Variants in CFAP92 observed in about 807,000 individuals in gnomAD.
The protein encoded by CFAP92 is cilia and flagella associated protein 92 (putative), also known as uncharacterized protein CFAP92.
A neutral mutation model predicts 106.3 loss-of-function variants in CFAP92; 86 were observed. That is an observed-to-expected ratio of 0.81 (90% CI 0.68 to 0.97). The LOEUF is 0.97. Among genes scored for constraint, CFAP92 ranks in the 50% least tolerant of loss-of-function variants. CFAP92 has a pLI of 0.00. For synonymous variants in CFAP92, 477 were observed against 506.4 expected, an observed-to-expected ratio of 0.94 and a Z score of 0.78; for missense variants, 1,204 against 1,283.8, an observed-to-expected ratio of 0.94 and a Z score of 0.95.
At chr3:129,003,355 G>A (rs1288315313), upstream of CFAP92, 11 of 897,070 alleles carry the variant, frequency 1.2e-5, no homozygotes, top group Non-Finnish European at 1.2e-5. Flanking sequence ...AGTAAAGACA[G>A]ATAGAAACCA....
chr3:128,942,882 G>A (rs1326594382), intron 10 of CFAP92, among the ~76,000 whole-genome samples: 2 of 139,482 alleles, frequency 1.4e-5, no homozygotes, highest in South Asian at 4.6e-4. Flanking sequence ...GGGTTTCACC[G>A]TGTTGGCAAA....
chr3:129,020,947 C>T, the CFAP92 span, among the ~76,000 whole-genome samples: 2 of 152,178 alleles, frequency 1.3e-5, no homozygotes, highest in Non-Finnish European at 1.5e-5. Context: ...GTGAGGCTGC[C>T]GTGGCCAGTG....
chr3:128,929,079 T>C (rs1938036734), intron 12 of CFAP92, among the ~76,000 whole-genome samples: 1 of 152,140 alleles, frequency 6.6e-6, no homozygotes, highest in Non-Finnish European at 1.5e-5. Flanking sequence ...GGTAACACAG[T>C]GAGACCCTGT....
At chr3:128,987,886 C>T (rs893530247) in intron 3 of CFAP92, 57 bp from the exon 4 acceptor site, 15 of 1,461,382 alleles carry the variant, frequency 1.0e-5, no homozygotes, top group East Asian at 7.4e-5. Context: ...AAGGCCGTGG[C>T]GAACAGAGCA....
intron 4 of CFAP92, among the ~76,000 whole-genome samples, chr3:128,983,063 AC>A (rs1180222496): frequency 6.6e-6 from 1 of 152,262 alleles, no homozygotes; most frequent in Non-Finnish European, 1.5e-5. Context: ...CAGGGTTGCC[AC>A]AAACCTCCAA....
chr3:128,945,580 G>T lies in CFAP92; in HGVS notation c.1749C>A (p.Ala583=). The change falls in exon 10 of 16, where the codon GCC becomes GCA. Residue 583 remains alanine (A), a synonymous_variant. Transcript: ENST00000645291. ...GAACCTCACAGCTGTGGATGGGGAC[G>T]GCCAGATTCAAGTACTTGTGGCCAA... ...LLLGHKYLNL[A]VPIHSCEVQP... The T allele has an allele frequency of 6.5e-7, 1 of 1,536,110 alleles. No individual in the cohort carries two copies. The highest frequency in any genetic ancestry group is 1.2e-5 in the South Asian group (1 of 84,052).
chr3:128,996,913 C>T (rs1029530364), upstream of CFAP92, among the ~76,000 whole-genome samples: 10 of 152,342 alleles, frequency 6.6e-5, no homozygotes, highest in South Asian at 2.1e-4. Flanking sequence ...CCTCATAGCC[C>T]GGCCTGGCTT....
At chr3:128,963,782 A>C (rs1301476326) in intron 9 of CFAP92, among the ~76,000 whole-genome samples, 1 of 149,520 alleles carries the variant, frequency 6.7e-6, no homozygotes, top group Admixed American at 6.7e-5. Context: ...CATCCTGGAA[A>C]TCTATCCTCA....
At chr3:128,986,095 G>T (rs1053965178) in intron 4 of CFAP92, among the ~76,000 whole-genome samples, 1 of 152,170 alleles carries the variant, frequency 6.6e-6, no homozygotes, top group Non-Finnish European at 1.5e-5. Flanking sequence ...GGTCAGAAAG[G>T]CTCCTTGAGA....
Position 128,932,828 on chromosome 3 carries a change from T to G in CFAP92, c.2623A>C (p.Asn875His), listed in dbSNP as rs955093975. 113 of 1,536,050 alleles carry G rather than the reference T, an allele frequency of 7.4e-5. No homozygotes were observed. The highest frequency in any genetic ancestry group is 9.7e-5 in the Non-Finnish European group (111 of 1,146,914). The stretch of plus-strand genomic sequence containing the variant: ...TTCCGACTGTGGTAGTCCTCAAGAT[T>G]GGGGGCAGGCTGAGGTGGTAGGGCA... ...LFALPPQPAP[N>H]LEDYHSRNST... is the part of the protein sequence containing the mutation. Residue 875 changes from asparagine (N) to histidine (H), a missense_variant, in exon 12 of 16, where the codon AAT (asparagine) becomes CAT (histidine). Transcript: ENST00000645291.
chr3:128,967,738 T>A (rs1576565264), intron 8 of CFAP92: 1 of 145,394 alleles, frequency 6.9e-6, no homozygotes. Context: ...GTAGAAGGAA[T>A]CCCCATTGCA....
At chr3:129,013,947 G>A in the CFAP92 span, among the ~76,000 whole-genome samples, 13 of 152,340 alleles carry the variant, frequency 8.5e-5, no homozygotes, top group Admixed American at 2.6e-4. Context: ...AGGAGCGACT[G>A]TCAGAATGTG....
At chr3:128,997,281 C>A (rs980417907), upstream of CFAP92, among the ~76,000 whole-genome samples, 1 of 152,200 alleles carries the variant, frequency 6.6e-6, no homozygotes, top group Non-Finnish European at 1.5e-5. Context: ...CATACACCTT[C>A]TTCTTGCCCC....
At chr3:129,003,935 G>A, upstream of CFAP92, 9 of 1,391,538 alleles carry the variant, frequency 6.5e-6, no homozygotes, top group South Asian at 1.5e-5. Context: ...TGGCCAGGCC[G>A]AGGTGCGGCG....
chr3:128,993,287 C>A lies in CFAP92; in HGVS notation c.18G>T (p.Trp6Cys). 3.1e-6 allele frequency: 5 copies of A among 1,613,416 alleles called. No homozygotes were observed. Among genetic ancestry groups the A allele is most frequent in the East Asian group, 2.2e-5 (1 of 44,874 alleles). Reference sequence around the variant, plus strand: ...TGCTTGCGGGGTCCTCTTCCCACTCCCAGGCATGTAGCGACATGCTGCAGA... The same window carrying A: ...TGCTTGCGGGGTCCTCTTCCCACTCACAGGCATGTAGCGACATGCTGCAGA... The part of the protein sequence containing the change: MSLHA[W>C]EWEEDPASIE... Residue 6 changes from tryptophan (W) to cysteine (C), a missense_variant, in exon 2 of 16, where the codon TGG (tryptophan) becomes TGT (cysteine). Physicochemically the swap from Trp to Cys is radical, Grantham distance 215. Coordinates refer to ENST00000645291, the MANE Select transcript of CFAP92 (RefSeq NM_001394090.1).
chr3:128,921,752 G>A (rs538867698), intron 12 of CFAP92, among the ~76,000 whole-genome samples: 6 of 152,284 alleles, frequency 3.9e-5, no homozygotes, highest in Non-Finnish European at 8.8e-5. Context: ...AACCTCTTTC[G>A]GGAAATGGGA....
At chr3:129,006,644 A>C (rs1167436910), upstream of CFAP92, among the ~76,000 whole-genome samples, 5 of 152,164 alleles carry the variant, frequency 3.3e-5, no homozygotes, top group African/African-American at 9.7e-5. Context: ...GTAAGGAAGA[A>C]GTAGGAGCAG....
In CFAP92 at chr3:128,909,894, G is replaced by GTGTT; in HGVS notation, c.*401_*404dup. ...GTTCTCCCACAACCTGAAGAGAAAG[G>GTGTT]TGTTATTGACTCCACTTTCTCAAGG... On this transcript the variant is annotated 3_prime_UTR_variant, in exon 16 of 16. Transcript: ENST00000645291. 2 of 1,296,204 alleles carry GTGTT rather than the reference G, an allele frequency of 1.5e-6. No individual in the cohort carries two copies. Among genetic ancestry groups the GTGTT allele is most frequent in the Non-Finnish European group, 2.2e-6 (2 of 913,054 alleles). 80.3% of individuals were successfully genotyped at this position (1,296,204 alleles called of 1,614,324 possible).
At chr3:128,985,031 T>G (rs1330030504) in intron 4 of CFAP92, among the ~76,000 whole-genome samples, 1 of 152,236 alleles carries the variant, frequency 6.6e-6, no homozygotes, top group East Asian at 1.9e-4. Flanking sequence ...TTTCTCTTTT[T>G]TGCTAGGTGA....
Sources: gnomAD v4.1 joint callset for allele counts (sites outside exome capture counted in the v4.1 genomes callset) on GRCh38, gnomAD v4.1.1 for gene constraint, MANE v1.5 for transcripts, NCBI Gene and HGNC (gene_info 2026-07-23, HGNC 2026-07-21) for gene names.